Variants in LCORL observed in about 807,000 individuals in gnomAD.
The protein encoded by LCORL is ligand-dependent nuclear receptor corepressor-like protein.
Under a neutral mutation model 141.8 loss-of-function variants are expected in LCORL, and 41 were observed. That is an observed-to-expected ratio of 0.29 (90% CI 0.23 to 0.38). The LOEUF is 0.38. Among genes scored for constraint, LCORL ranks in the 10% least tolerant of loss-of-function variants. The pLI is 1.00. For missense variants in LCORL, 1,759 were observed against 2,035.0 expected, an observed-to-expected ratio of 0.86 and a Z score of 2.61; for synonymous variants, 618 against 694.1, an observed-to-expected ratio of 0.89 and a Z score of 1.72.
chr4:17,989,676 T>C (rs1719626498), intron 1 of LCORL, among the ~76,000 whole-genome samples: 1 of 152,222 alleles, frequency 6.6e-6, no homozygotes, highest in Admixed American at 6.5e-5. Context: ...AATGTCTTCA[T>C]ATTGTTCAAG....
At chr4:17,950,586 G>A (rs2660964) in intron 4 of LCORL, among the ~76,000 whole-genome samples, 7,208 of 152,154 alleles carry the variant, frequency 0.047, 245 homozygotes, top group Non-Finnish European at 0.069. Flanking sequence ...AATGGAGTAC[G>A]GAAGAATCCA....
intron 1 of LCORL, among the ~76,000 whole-genome samples, chr4:18,010,250 C>A (rs953472372): frequency 6.6e-6 from 1 of 152,002 alleles, no homozygotes; most frequent in Non-Finnish European, 1.5e-5. Context: ...ACTTAAGTAT[C>A]TTACATAGGC....
At chr4:17,863,064 C>T (rs1045962988) in intron 7 of LCORL, among the ~76,000 whole-genome samples, 1 of 152,086 alleles carries the variant, frequency 6.6e-6, no homozygotes, top group African/African-American at 2.4e-5. Context: ...ACCTGTAATC[C>T]CAGCACTTTG....
intron 1 of LCORL, among the ~76,000 whole-genome samples, chr4:18,005,202 A>G (rs1722601400): frequency 6.6e-6 from 1 of 152,140 alleles, no homozygotes; most frequent in African/African-American, 2.4e-5. Context: ...TACAGGCATG[A>G]GCCACCACAC....
intron 4 of LCORL, among the ~76,000 whole-genome samples, chr4:17,921,946 C>T (rs933037043): frequency 5.3e-5 from 8 of 152,156 alleles, no homozygotes; most frequent in Non-Finnish European, 1.2e-4. Flanking sequence ...AGCTTTTGGA[C>T]TCTTGGACCT....
At chr4:17,989,222 C>T (rs1719551850) in intron 1 of LCORL, among the ~76,000 whole-genome samples, 1 of 152,132 alleles carries the variant, frequency 6.6e-6, no homozygotes, top group Non-Finnish European at 1.5e-5. Context: ...TTAAACAAAA[C>T]TGGTAATAAT....
intron 1 of LCORL, among the ~76,000 whole-genome samples, chr4:17,977,950 T>A (rs1212837419): frequency 1.3e-5 from 2 of 152,238 alleles, no homozygotes; most frequent in Non-Finnish European, 2.9e-5. Flanking sequence ...ATCTTTTTTT[T>A]GTTTCTGTAT....
chr4:17,897,888 T>G (rs531283017), intron 5 of LCORL, among the ~76,000 whole-genome samples: 1 of 152,220 alleles, frequency 6.6e-6, no homozygotes, highest in Non-Finnish European at 1.5e-5. Flanking sequence ...GAAATAATGT[T>G]TAGAGACCAC....
intron 1 of LCORL, among the ~76,000 whole-genome samples, chr4:17,978,165 G>A (rs1268260641): frequency 6.6e-6 from 1 of 151,964 alleles, no homozygotes; most frequent in African/African-American, 2.4e-5. Context: ...GTATTTTTCT[G>A]CTTTTTTGCA....
chr4:18,017,287 A>C (rs746647110), intron 1 of LCORL, among the ~76,000 whole-genome samples: 1 of 152,194 alleles, frequency 6.6e-6, no homozygotes, highest in Non-Finnish European at 1.5e-5. Flanking sequence ...GAAGTCAGAT[A>C]ATCATCAACT....
At chr4:17,888,663 A>G (rs1402948794) in intron 5 of LCORL, among the ~76,000 whole-genome samples, 1 of 152,126 alleles carries the variant, frequency 6.6e-6, no homozygotes, top group African/African-American at 2.4e-5. Flanking sequence ...TTTTTCTCCC[A>G]TGAGACTGAA....
chr4:17,930,150 TTGG>T (rs1560359878), intron 4 of LCORL, among the ~76,000 whole-genome samples: 1 of 152,212 alleles, frequency 6.6e-6, no homozygotes, highest in African/African-American at 2.4e-5. Context: ...TCATACAATG[TTGG>T]TGGCAATGCA....
rs1724657221 is a variant in LCORL, at chr4:17,858,756, T to TAATAAG, written c.5603-12856_5603-12855insCTTATT. 3.3e-5 allele frequency among the ~76,000 whole-genome samples: 5 copies of TAATAAG among 151,096 alleles called. No individual in the cohort carries two copies. In the South Asian group the frequency reaches 1.0e-3, roughly 32 times the overall value. ...ATAATAATAATAATAATAATAATAATAGCTAAAAAATGTCTAAATGTGATT... is the reference window on the plus strand; with the variant it reads ...ATAATAATAATAATAATAATAATAATAATAAGAGCTAAAAAATGTCTAAATGTGATT... On this transcript the variant is annotated intron_variant, in intron 7 of 7. Transcript: ENST00000635767.
intron 4 of LCORL, among the ~76,000 whole-genome samples, chr4:17,960,776 T>C (rs1194953868): frequency 1.3e-5 from 2 of 152,128 alleles, no homozygotes; most frequent in African/African-American, 4.8e-5. Flanking sequence ...TTTAACACTG[T>C]ACTAAAAATT....
chr4:17,922,695 A>C (rs1208626245), intron 4 of LCORL, among the ~76,000 whole-genome samples: 1 of 152,206 alleles, frequency 6.6e-6, no homozygotes, highest in Non-Finnish European at 1.5e-5. Context: ...GTGCACACAC[A>C]GCCTCGCAAG....
At chr4:17,934,844 C>T (rs1736600465) in intron 4 of LCORL, among the ~76,000 whole-genome samples, 1 of 152,152 alleles carries the variant, frequency 6.6e-6, no homozygotes, top group Admixed American at 6.6e-5. Context: ...AGACTAAAAG[C>T]ATTCACGAAA....
chr4:18,002,688 T>C (rs1015143234), intron 1 of LCORL, among the ~76,000 whole-genome samples: 4 of 152,210 alleles, frequency 2.6e-5, no homozygotes, highest in Admixed American at 6.5e-5. Context: ...ATTTGTTATA[T>C]TGTTAAAGCT....
At chr4:17,982,595 G>A (rs986183749) in intron 1 of LCORL, among the ~76,000 whole-genome samples, 2 of 152,040 alleles carry the variant, frequency 1.3e-5, no homozygotes, top group Non-Finnish European at 2.9e-5. Context: ...GTCTGTTCAT[G>A]TCCTTTGCCC....
intron 4 of LCORL, among the ~76,000 whole-genome samples, chr4:17,923,378 G>A (rs1734598365): frequency 6.6e-6 from 1 of 152,200 alleles, no homozygotes; most frequent in Admixed American, 6.5e-5. Context: ...AGGTACAGTG[G>A]CTCATGCCTA....
Sources: allele counts gnomAD v4.1 joint callset (sites outside exome capture counted in the v4.1 genomes callset), GRCh38; gene constraint gnomAD v4.1.1; transcripts MANE v1.5; gene names NCBI Gene and HGNC (gene_info 2026-07-23, HGNC 2026-07-21).